The following MDFIC2 variants were observed in gnomAD, a reference collection of about 807,000 sequenced individuals.
The protein encoded by MDFIC2 is myoD family inhibitor domain-containing protein 2.
chr3:70,262,890 T>G (rs987457893), intron 2 of MDFIC2, among the ~76,000 whole-genome samples: 1 of 152,210 alleles, frequency 6.6e-6, no homozygotes, highest in African/African-American at 2.4e-5. Flanking sequence ...TCCCAATATT[T>G]TTGTCTCTGT....
intron 2 of MDFIC2, among the ~76,000 whole-genome samples, chr3:70,294,960 A>G (rs1702275449): frequency 6.6e-6 from 1 of 152,186 alleles, no homozygotes; most frequent in Non-Finnish European, 1.5e-5. Context: ...CCTGAAGCAA[A>G]CAAAAACCCC....
At chr3:70,296,827 G>GT (rs1414173001) in intron 2 of MDFIC2, among the ~76,000 whole-genome samples, 1 of 151,944 alleles carries the variant, frequency 6.6e-6, no homozygotes, top group Non-Finnish European at 1.5e-5. Context: ...AGCTGGAGTG[G>GT]TTTTTTTAAA....
At chr3:70,282,830 T>C (rs1210528630) in intron 2 of MDFIC2, among the ~76,000 whole-genome samples, 2 of 152,160 alleles carry the variant, frequency 1.3e-5, no homozygotes, top group Non-Finnish European at 2.9e-5. Flanking sequence ...TTATGAAGGA[T>C]GACCATAGCA....
intron 2 of MDFIC2, among the ~76,000 whole-genome samples, chr3:70,273,396 A>G (rs1701993500): frequency 6.6e-6 from 1 of 152,234 alleles, no homozygotes; most frequent in Non-Finnish European, 1.5e-5. Flanking sequence ...GGGAAGTCTT[A>G]AAAGCTTCAG....
At chr3:70,253,390 A>G (rs932473257) in intron 2 of MDFIC2, among the ~76,000 whole-genome samples, 1 of 152,026 alleles carries the variant, frequency 6.6e-6, no homozygotes, top group Non-Finnish European at 1.5e-5. Context: ...TAAAGTAGAG[A>G]GTGGATGAAG....
intron 2 of MDFIC2, among the ~76,000 whole-genome samples, chr3:70,265,208 A>G (rs1701905031): frequency 6.6e-6 from 1 of 152,190 alleles, no homozygotes. Context: ...AAAGTAGGCT[A>G]GTGTTCATGT....
rs1559549270 is a variant in MDFIC2 at position 70,267,576 on chromosome 3, GTA to G, written c.88+44308_88+44309del. Reference sequence around the variant, plus strand: ...CGCCACCATGCCCGGCTAATTTTTTGTATTTTTTTTTTTTTTTTTTTAGTAAA... The same window carrying G: ...CGCCACCATGCCCGGCTAATTTTTTGTTTTTTTTTTTTTTTTTTTAGTAAA... On this transcript the variant is annotated intron_variant, in intron 2 of 3. Coordinates refer to ENST00000567252, the MANE Select transcript of MDFIC2 (RefSeq NM_001364677.1). Among the ~76,000 whole-genome samples, 219 of 98,624 alleles carry G rather than the reference GTA, an allele frequency of 2.2e-3. 2 individuals are homozygous for G. Among genetic ancestry groups the G allele is most frequent in the African/African-American group, 8.9e-3 (205 of 22,950 alleles). The allele number at this position is 98,624 out of a possible 152,430, so 64.7% of individuals were successfully genotyped here. A position where few individuals can be genotyped will look rare whatever the true frequency, so the allele number is the denominator to read the frequency against.
intron 2 of MDFIC2, among the ~76,000 whole-genome samples, chr3:70,228,744 T>A (rs1323518628): frequency 1.3e-5 from 2 of 151,526 alleles, no homozygotes; most frequent in African/African-American, 4.8e-5. Flanking sequence ...CATGAATCTT[T>A]TTTTTTTTTT....
intron 2 of MDFIC2, among the ~76,000 whole-genome samples, chr3:70,239,786 A>C (rs1701648407): frequency 6.6e-6 from 1 of 152,144 alleles, no homozygotes; most frequent in Non-Finnish European, 1.5e-5. Flanking sequence ...TATATGCTAA[A>C]TACAGTGACG....
intron 2 of MDFIC2, among the ~76,000 whole-genome samples, chr3:70,246,620 G>T (rs144966957): frequency 3.3e-5 from 5 of 152,164 alleles, no homozygotes; most frequent in Admixed American, 1.3e-4. Flanking sequence ...CTTGATAACT[G>T]AAACGTATTT....
At chr3:70,263,649 G>C (rs1049820991) in intron 2 of MDFIC2, among the ~76,000 whole-genome samples, 1 of 152,134 alleles carries the variant, frequency 6.6e-6, no homozygotes, top group African/African-American at 2.4e-5. Flanking sequence ...AAAGACTCAA[G>C]GGAGCCCTAC....
At chr3:70,267,212 T>G (rs973029770) in intron 2 of MDFIC2, among the ~76,000 whole-genome samples, 10 of 152,066 alleles carry the variant, frequency 6.6e-5, no homozygotes, top group Non-Finnish European at 1.5e-4. Context: ...TTTTAGACAG[T>G]AAAAGAAGTC....
chr3:70,265,475 C>A (rs1043343263), intron 2 of MDFIC2, among the ~76,000 whole-genome samples: 1 of 152,006 alleles, frequency 6.6e-6, no homozygotes, highest in Non-Finnish European at 1.5e-5. Context: ...CACCCTGCTC[C>A]ATGCTACCTC....
At chr3:70,287,676 T>C (rs1241905520) in intron 2 of MDFIC2, among the ~76,000 whole-genome samples, 2 of 152,146 alleles carry the variant, frequency 1.3e-5, no homozygotes, top group Non-Finnish European at 2.9e-5. Flanking sequence ...TGGCTGTGAA[T>C]CCGTCTGGTC....
intron 2 of MDFIC2, chr3:70,249,079 C>A (rs993848891): frequency 6.6e-6 from 1 of 152,138 alleles, no homozygotes; most frequent in African/African-American, 2.4e-5. Flanking sequence ...GTCCTTCTAA[C>A]CACAAAGTCC....
At chr3:70,213,436 A>G (rs924144687) in intron 2 of MDFIC2, among the ~76,000 whole-genome samples, 8 of 152,146 alleles carry the variant, frequency 5.3e-5, no homozygotes, top group African/African-American at 1.7e-4. Context: ...TTTCAAACGT[A>G]TAGACCATTT....
chr3:70,201,544 G>A (rs529548167), intron 3 of MDFIC2, among the ~76,000 whole-genome samples: 1 of 152,128 alleles, frequency 6.6e-6, no homozygotes, highest in Non-Finnish European at 1.5e-5. Context: ...ACCCTGAGTT[G>A]AGTACTATTA....
intron 2 of MDFIC2, among the ~76,000 whole-genome samples, chr3:70,286,351 C>T (rs1175117456): frequency 6.6e-6 from 1 of 152,062 alleles, no homozygotes; most frequent in Non-Finnish European, 1.5e-5. Flanking sequence ...TCAGGTTTGT[C>T]AAAGATCAGA....
At chr3:70,295,000 T>C (rs531066845) in intron 2 of MDFIC2, among the ~76,000 whole-genome samples, 53 of 152,286 alleles carry the variant, frequency 3.5e-4, no homozygotes, top group African/African-American at 1.1e-3. Flanking sequence ...CCCTAGCAGA[T>C]GGGTTCTCAT....
Sources: allele counts gnomAD v4.1 joint callset (sites outside exome capture counted in the v4.1 genomes callset), GRCh38; gene constraint gnomAD v4.1.1; transcripts MANE v1.5; gene names NCBI Gene and HGNC (gene_info 2026-07-23, HGNC 2026-07-21).